GABRA5: variants seen among roughly 807,000 people sequenced by gnomAD.
GABRA5 encodes the protein gamma-aminobutyric acid type A receptor subunit alpha5.
GABRA5 carries 18 observed loss-of-function variants against 47.3 expected under a neutral mutation model. That is an observed-to-expected ratio of 0.38 (90% CI 0.26 to 0.56). The LOEUF (loss-of-function observed/expected upper bound fraction) is 0.56. Ranked by LOEUF, GABRA5 falls within the 20% of genes least tolerant of loss-of-function variation. GABRA5 has a pLI of 0.71. For synonymous variants in GABRA5, 237 were observed against 229.3 expected (o/e 1.03, Z -0.30); for missense variants, 365 against 599.3 (o/e 0.61, Z 4.08).
At chr15:26,911,929 T>C (rs1893605213) in intron 6 of GABRA5, among the ~76,000 whole-genome samples, 1 of 152,182 alleles carries the variant, frequency 6.6e-6, no homozygotes, top group Admixed American at 6.5e-5. Flanking sequence ...TGGCATAGAC[T>C]GTGTGGGGTT....
At chr15:26,936,759 G>A (rs749469049) in intron 7 of GABRA5, among the ~76,000 whole-genome samples, 20 of 152,202 alleles carry the variant, frequency 1.3e-4, no homozygotes, top group Non-Finnish European at 2.1e-4. Context: ...AAATCTCGAT[G>A]TAGGTCATGC....
intron 7 of GABRA5, among the ~76,000 whole-genome samples, chr15:26,924,684 C>A (rs1893918686): frequency 6.6e-6 from 1 of 152,148 alleles, no homozygotes; most frequent in African/African-American, 2.4e-5. Flanking sequence ...TCAGCATTTG[C>A]TAGCCTGGAA....
chr15:26,897,972 G>T (rs1566872686), intron 6 of GABRA5, among the ~76,000 whole-genome samples: 1 of 152,106 alleles, frequency 6.6e-6, no homozygotes, highest in Non-Finnish European at 1.5e-5. Context: ...TTAAACGACA[G>T]CAAGAACAAC....
intron 10 of GABRA5, among the ~76,000 whole-genome samples, chr15:26,945,909 C>T (rs1471942860): frequency 6.7e-6 from 1 of 150,232 alleles, no homozygotes; most frequent in Non-Finnish European, 1.5e-5. Flanking sequence ...TCACTTGGTT[C>T]TACCCAGAGA....
At chr15:26,947,097 C>T (rs1276798623) in intron 10 of GABRA5, among the ~76,000 whole-genome samples, 2 of 152,218 alleles carry the variant, frequency 1.3e-5, no homozygotes, top group Non-Finnish European at 2.9e-5. Context: ...TCCCTTATAT[C>T]CACACACCGT....
At chr15:26,890,674 C>T (rs1330505737) in intron 6 of GABRA5, among the ~76,000 whole-genome samples, 1 of 152,178 alleles carries the variant, frequency 6.6e-6, no homozygotes, top group East Asian at 1.9e-4. Flanking sequence ...GACTTCCCAG[C>T]TGAAGTTCTG....
chr15:26,931,243 C>A (rs1301091477), intron 7 of GABRA5, among the ~76,000 whole-genome samples: 4 of 152,056 alleles, frequency 2.6e-5, no homozygotes, highest in African/African-American at 9.7e-5. Context: ...AACAGAATAC[C>A]AAATATTGGG....
chr15:26,906,582 T>G (rs1893449710), intron 6 of GABRA5, among the ~76,000 whole-genome samples: 1 of 152,222 alleles, frequency 6.6e-6, no homozygotes, highest in African/African-American at 2.4e-5. Context: ...CCTCAGCCTC[T>G]TCTTTCCTAG....
chr15:26,894,488 A>G (rs939620709), intron 6 of GABRA5, among the ~76,000 whole-genome samples: 1 of 151,850 alleles, frequency 6.6e-6, no homozygotes. Flanking sequence ...CTTCCACACA[A>G]TTTGCGATTT....
intron 6 of GABRA5, among the ~76,000 whole-genome samples, chr15:26,889,598 A>T (rs551654516): frequency 3.3e-5 from 5 of 152,328 alleles, no homozygotes; most frequent in African/African-American, 9.6e-5. Flanking sequence ...GTTTTGAACT[A>T]GACACTGAGA....
intron 6 of GABRA5, among the ~76,000 whole-genome samples, chr15:26,914,253 G>A (rs1566878417): frequency 6.6e-6 from 1 of 152,166 alleles, no homozygotes; most frequent in Non-Finnish European, 1.5e-5. Context: ...TTACACAATG[G>A]TTATAGCCAG....
Position 26,948,419 on chromosome 15 carries a change from T to A in GABRA5, c.*186T>A, listed in dbSNP as rs977044220. 1.7e-6 allele frequency: 1 copy of A among 601,922 alleles called. No homozygotes were observed. Among genetic ancestry groups the A allele is most frequent in the African/African-American group, 1.8e-5 (1 of 54,062 alleles). The allele number at this position is 601,922 out of a possible 1,614,324, so 37.3% of individuals were successfully genotyped here. A position where few individuals can be genotyped will look rare whatever the true frequency, so the allele number is the denominator to read the frequency against. ...TGTAACTTCAGATGTTTCCAAGATG[T>A]CCCATTGATAATTCGAGCAAACAAC... On this transcript the variant is annotated 3_prime_UTR_variant, in exon 11 of 11. Transcript: ENST00000335625.
chr15:26,938,829 G>A (rs188526094), intron 8 of GABRA5, among the ~76,000 whole-genome samples: 209 of 152,300 alleles, frequency 1.4e-3, no homozygotes, highest in African/African-American at 4.5e-3. Context: ...TGGTTCCTTC[G>A]TCTCCGACAT....
At chr15:26,943,530 G>A (rs1276193736) in intron 10 of GABRA5, 104 bp downstream of exon 10, 2 of 994,648 alleles carry the variant, frequency 2.0e-6, no homozygotes, top group Non-Finnish European at 3.0e-6. Context: ...CTACCCGCCA[G>A]CCCCCGAATG....
At position 26,900,634 on chromosome 15, in the gene GABRA5, GCTTCC is replaced by G. The variant is rs368236812; in HGVS notation, c.498-14166_498-14162del. Among the ~76,000 whole-genome samples the G allele has an allele frequency of 4.9e-3, 738 of 152,060 alleles. 5 individuals carry two copies. Among genetic ancestry groups the G allele is most frequent in the African/African-American group, 0.017 (708 of 41,482 alleles). On this transcript the variant is annotated intron_variant, in intron 6 of 10. Coordinates refer to ENST00000335625, the MANE Select transcript of GABRA5 (RefSeq NM_000810.4). ...AAACCCCTGTCCCTATACATGCATAGCTTCCCTCCTTACACATCCCCAACCAGAGT... is the reference window on the plus strand; with the variant it reads ...AAACCCCTGTCCCTATACATGCATAGCTCCTTACACATCCCCAACCAGAGT...
At chr15:26,882,190 G>A (rs542103439) in intron 4 of GABRA5, among the ~76,000 whole-genome samples, 1 of 152,270 alleles carries the variant, frequency 6.6e-6, no homozygotes, top group African/African-American at 2.4e-5. Context: ...CTAAGCTGCT[G>A]TCAGTGCTTG....
At chr15:26,898,897 T>G (rs1893262261) in intron 6 of GABRA5, among the ~76,000 whole-genome samples, 1 of 152,180 alleles carries the variant, frequency 6.6e-6, no homozygotes, top group Non-Finnish European at 1.5e-5. Context: ...TGTTGTCATT[T>G]ATCTCAATAT....
intron 4 of GABRA5, among the ~76,000 whole-genome samples, 170 bp downstream of exon 4, chr15:26,881,137 G>T (rs9286393): frequency 0.52 from 79,432 of 151,890 alleles, 21,140 homozygotes; most frequent in African/African-American, 0.62. Context: ...CTTTGTTATT[G>T]TCTAGACGCA....
intron 3 of GABRA5, among the ~76,000 whole-genome samples, chr15:26,873,124 T>A (rs1180737624): frequency 6.6e-6 from 1 of 152,214 alleles, no homozygotes; most frequent in Non-Finnish European, 1.5e-5. Context: ...CTTGAAGTAC[T>A]ATATTTATTT....
Sources: gnomAD v4.1 joint callset for allele counts (sites outside exome capture counted in the v4.1 genomes callset) on GRCh38, gnomAD v4.1.1 for gene constraint, MANE v1.5 for transcripts, NCBI Gene and HGNC (gene_info 2026-07-23, HGNC 2026-07-21) for gene names.